The following KRTAP10-12 variants were observed in gnomAD, a reference collection of about 807,000 sequenced individuals.
The protein encoded by KRTAP10-12 is keratin associated protein 10-12.
For synonymous variants in KRTAP10-12, 142 were observed against 139.1 expected (o/e 1.02, Z -0.14); for missense variants, 311 against 324.4 (o/e 0.96, Z 0.32).
Position 44,697,600 on chromosome 21 carries a change from G to C in KRTAP10-12, c.399G>C (p.Gln133His). The C allele has an allele frequency of 6.2e-7, 1 of 1,614,082 alleles. No individual in the cohort carries two copies. The highest frequency in any genetic ancestry group is 8.5e-7 in the Non-Finnish European group (1 of 1,179,998). Residue 133 changes from glutamine (Q) to histidine (H), a missense_variant, in exon 1 of 1, where the codon CAG (glutamine) becomes CAC (histidine). Coordinates refer to ENST00000400365, the MANE Select transcript of KRTAP10-12 (RefSeq NM_198699.1). Reference protein sequence around the residue: ...VCCGPSSSCCQQSSCQPACCI... With the variant: ...VCCGPSSSCCHQSSCQPACCI... ...GTGGGCCTTCTTCTTCATGCTGCCA[G>C]CAGTCTAGCTGCCAGCCAGCTTGCT...
chr21:44,697,898 TC>T lies in KRTAP10-12; in HGVS notation c.700del (p.Leu234SerfsTer35). The T allele has an allele frequency of 6.2e-7, 1 of 1,612,524 alleles. No individual in the cohort carries two copies. The highest frequency in any genetic ancestry group is 8.5e-7 in the Non-Finnish European group (1 of 1,179,338). The stretch of plus-strand genomic sequence containing the variant: ...CTGCGGCCGCCTGGCCTCCTGCGGG[TC>T]CCTCCTCTGCCGCCCCACATGTTCC... ...PSCGRLASCGSLLCRPTCSRL... is the reference protein window; with the variant it reads ...PSCGRLASCGXLLCRPTCSRL... On this transcript the variant is annotated frameshift_variant, in exon 1 of 1. Coordinates refer to ENST00000400365, the MANE Select transcript of KRTAP10-12 (RefSeq NM_198699.1). LOFTEE classifies it high-confidence loss of function.
Position 44,697,633 on chromosome 21 carries a change from C to T in KRTAP10-12, c.432C>T (p.Ser144=). ...GCTGCCAGCCAGCTTGCTGCATCTCCTCCCCGTGTCAACAGTCCTGCTGTG... is the reference window on the plus strand; with the variant it reads ...GCTGCCAGCCAGCTTGCTGCATCTCTTCCCCGTGTCAACAGTCCTGCTGTG... ...QSSCQPACCI[S]SPCQQSCCVP... is the part of the protein sequence containing the mutation. Residue 144 remains serine, a synonymous_variant, in exon 1 of 1, where the codon TCC becomes TCT. Coordinates refer to ENST00000400365, the MANE Select transcript of KRTAP10-12 (RefSeq NM_198699.1). 6.2e-7 allele frequency: 1 copy of T among 1,613,988 alleles called. No individual in the cohort carries two copies. Among genetic ancestry groups the T allele is most frequent in the Non-Finnish European group, 8.5e-7 (1 of 1,179,982 alleles).
Position 44,697,347 on chromosome 21 carries a change from G to A in KRTAP10-12, c.146G>A (p.Ser49Asn). Residue 49 changes from serine (S) to asparagine (N), a missense_variant, in exon 1 of 1, where the codon AGC becomes AAC. Physicochemically the swap from Ser to Asn is conservative, Grantham distance 46. Coordinates refer to ENST00000400365, the MANE Select transcript of KRTAP10-12 (RefSeq NM_198699.1). The stretch of plus-strand genomic sequence containing the variant: ...TGCTGCGCCCCGGCCCCCTGCCTGA[G>A]CCTGGTCTGCACCCCAGTGAGCCGT... ...PPCCAPAPCL[S>N]LVCTPVSRVS... is the part of the protein sequence containing the mutation. 1.2e-6 allele frequency: 2 copies of A among 1,612,712 alleles called. No homozygotes were observed. The highest frequency in any genetic ancestry group is 1.7e-6 in the Non-Finnish European group (2 of 1,179,982).
Position 44,697,950 on chromosome 21 carries a change from C to G in KRTAP10-12, c.*11C>G, listed in dbSNP as rs782800038. ...CGCCTGGCCTGCTGAGGCCTCTGCT[C>G]AGGCCAGAAGTCCAGCTGCTGCCAG... On this transcript the variant is annotated 3_prime_UTR_variant, in exon 1 of 1. Transcript: ENST00000400365. The G allele has an allele frequency of 1.2e-6, 2 of 1,605,990 alleles. No homozygotes were observed. Among genetic ancestry groups the G allele is most frequent in the Admixed American group, 1.7e-5 (1 of 59,728 alleles).
Position 44,697,443 on chromosome 21 carries a change from C to A in KRTAP10-12, c.242C>A (p.Thr81Lys), listed in dbSNP as rs781909794. 1 of 1,614,046 alleles carries A rather than the reference C, an allele frequency of 6.2e-7. No homozygotes were observed. The highest frequency in any genetic ancestry group is 1.7e-5 in the Admixed American group (1 of 60,032). ...CAATCAGGCTGCACCAGCTCCTGCA[C>A]GCCCTCGTGCTGCCAGCAGTCTAGC... ...PCQSGCTSSC[T>K]PSCCQQSSCQ... The change falls in exon 1 of 1, where the codon ACG becomes AAG. Residue 81 changes from threonine to lysine, a missense_variant. Transcript: ENST00000400365.
At position 44,697,435 on chromosome 21, in the gene KRTAP10-12, C is replaced by T; in HGVS notation, c.234C>T (p.Ser78=). ...GCCCCTGCCAATCAGGCTGCACCAG[C>T]TCCTGCACGCCCTCGTGCTGCCAGC... ...EPSPCQSGCT[S]SCTPSCCQQS... Residue 78 remains serine (S), a synonymous_variant, in exon 1 of 1, where the codon AGC becomes AGT. Coordinates refer to ENST00000400365, the MANE Select transcript of KRTAP10-12 (RefSeq NM_198699.1). The T allele has an allele frequency of 6.2e-7, 1 of 1,614,040 alleles. No homozygotes were observed. Among genetic ancestry groups the T allele is most frequent in the South Asian group, 1.1e-5 (1 of 91,078 alleles).
chr21:44,697,987 A>T lies in KRTAP10-12; in HGVS notation c.*48A>T. ...CCAGCTGCTGCCAGGCATGTCCCCC[A>T]GGGCCACTGGGCACTATGAGTCCCC... On this transcript the variant is annotated 3_prime_UTR_variant, in exon 1 of 1. Transcript: ENST00000400365. The T allele has an allele frequency of 3.2e-6, 5 of 1,577,308 alleles. No homozygotes were observed. Among genetic ancestry groups the T allele is most frequent in the Non-Finnish European group, 4.3e-6 (5 of 1,160,592 alleles).
chr21:44,697,973 C>T lies in KRTAP10-12; in HGVS notation c.*34C>T, dbSNP rs782256873. 6.3e-7 allele frequency: 1 copy of T among 1,587,524 alleles called. No individual in the cohort carries two copies. The highest frequency in any genetic ancestry group is 1.7e-5 in the Admixed American group (1 of 58,606). ...CTCAGGCCAGAAGTCCAGCTGCTGCCAGGCATGTCCCCCAGGGCCACTGGG... is the reference window on the plus strand; with the variant it reads ...CTCAGGCCAGAAGTCCAGCTGCTGCTAGGCATGTCCCCCAGGGCCACTGGG... On this transcript the variant is annotated 3_prime_UTR_variant, in exon 1 of 1. Transcript: ENST00000400365.
In KRTAP10-12 at chr21:44,697,321, C is replaced by T; in HGVS notation, c.120C>T (p.Pro40=). The change falls in exon 1 of 1, where the codon CCC becomes CCT. Residue 40 remains proline, a synonymous_variant. Coordinates refer to ENST00000400365, the MANE Select transcript of KRTAP10-12 (RefSeq NM_198699.1). ...DDCPESCCEP[P]CCAPAPCLSL... ...GCCCAGAGAGCTGCTGTGAGCCCCC[C>T]TGCTGCGCCCCGGCCCCCTGCCTGA... is the stretch of plus-strand genomic sequence containing the variant. The T allele has an allele frequency of 6.2e-7, 1 of 1,613,300 alleles. No individual in the cohort carries two copies. Among genetic ancestry groups the T allele is most frequent in the Non-Finnish European group, 8.5e-7 (1 of 1,179,984 alleles).
In KRTAP10-12 at chr21:44,697,908, G is replaced by A. The variant is rs61745911; in HGVS notation, c.707G>A (p.Cys236Tyr). 91,138 of 1,612,260 alleles carry A rather than the reference G, an allele frequency of 0.057. 6,127 individuals carry two copies. Among genetic ancestry groups the A allele is most frequent in the African/African-American group, 0.3 (22,715 of 74,858 alleles). Residue 236 changes from cysteine (C) to tyrosine (Y), a missense_variant, in exon 1 of 1, where the codon TGC becomes TAC. Cys to Tyr is a radical substitution (Grantham distance 194, BLOSUM62 -2). Coordinates refer to ENST00000400365, the MANE Select transcript of KRTAP10-12 (RefSeq NM_198699.1). ...GRLASCGSLL[C>Y]RPTCSRLAC ...CTGGCCTCCTGCGGGTCCCTCCTCT[G>A]CCGCCCCACATGTTCCCGCCTGGCC...
At position 44,698,028 on chromosome 21, in the gene KRTAP10-12, T is replaced by C; in HGVS notation, c.*89T>C. On this transcript the variant is annotated 3_prime_UTR_variant, in exon 1 of 1. Transcript: ENST00000400365. ...ATGAGTCCCCCACCTCTCCCACTAC[T>C]GGCCCCTCGGCTGCTCTGGTGTCTG... 1.4e-6 allele frequency: 2 copies of C among 1,478,032 alleles called. No homozygotes were observed. Among genetic ancestry groups the C allele is most frequent in the South Asian group, 1.3e-5 (1 of 77,374 alleles). The allele number at this position is 1,478,032 out of a possible 1,614,324, so 91.6% of individuals were successfully genotyped here.
chr21:44,697,980 G>T lies in KRTAP10-12; in HGVS notation c.*41G>T. Reference sequence around the variant, plus strand: ...CAGAAGTCCAGCTGCTGCCAGGCATGTCCCCCAGGGCCACTGGGCACTATG... The same window carrying T: ...CAGAAGTCCAGCTGCTGCCAGGCATTTCCCCCAGGGCCACTGGGCACTATG... On this transcript the variant is annotated 3_prime_UTR_variant, in exon 1 of 1. Coordinates refer to ENST00000400365, the MANE Select transcript of KRTAP10-12 (RefSeq NM_198699.1). 1 of 1,582,522 alleles carries T rather than the reference G, an allele frequency of 6.3e-7. No homozygotes were observed. Among genetic ancestry groups the T allele is most frequent in the Non-Finnish European group, 8.6e-7 (1 of 1,163,210 alleles).
Position 44,697,591 on chromosome 21 carries a change from ATGCTGCCAGCAGTCTAGC to A in KRTAP10-12, c.394_411del (p.Cys132_Cys137del), listed in dbSNP as rs1555950899. On this transcript the variant is annotated inframe_deletion, in exon 1 of 1. Coordinates refer to ENST00000400365, the MANE Select transcript of KRTAP10-12 (RefSeq NM_198699.1). ...CCGTCTGCTGTGGGCCTTCTTCTTCATGCTGCCAGCAGTCTAGCTGCCAGCCAGCTTGCTGCATCTCCT... is the reference window on the plus strand; with the variant it reads ...CCGTCTGCTGTGGGCCTTCTTCTTCATGCCAGCCAGCTTGCTGCATCTCCT... 6.2e-7 allele frequency: 1 copy of A among 1,606,524 alleles called. No individual in the cohort carries two copies. The highest frequency in any genetic ancestry group is 8.5e-7 in the Non-Finnish European group (1 of 1,178,286).
At position 44,697,536 on chromosome 21, in the gene KRTAP10-12, C is replaced by T. The variant is rs1336471288; in HGVS notation, c.335C>T (p.Thr112Ile). The change falls in exon 1 of 1, where the codon ACT becomes ATT. Residue 112 changes from threonine to isoleucine, a missense_variant. By Grantham distance (89) the Thr-to-Ile change is moderately conservative (BLOSUM62 -1). Transcript: ENST00000400365. The stretch of plus-strand genomic sequence containing the variant: ...TGCTGCGTGCCCGTCTGCTGCAAGA[C>T]TGTCTGCTGCAAGCCTGTGTGCTGT... ...QACCVPVCCK[T>I]VCCKPVCCMP... The T allele has an allele frequency of 3.1e-6, 5 of 1,613,644 alleles. No homozygotes were observed. In the African/African-American group the frequency reaches 6.7e-5, roughly 22 times the overall value.
chr21:44,698,037 G>A lies in KRTAP10-12; in HGVS notation c.*98G>A, dbSNP rs942900343. 19 of 1,432,294 alleles carry A rather than the reference G, an allele frequency of 1.3e-5. No homozygotes were observed. The Admixed American group carries it at 2.1e-4, about 16-fold the overall frequency. The allele number at this position is 1,432,294 out of a possible 1,614,324, so 88.7% of individuals were successfully genotyped here. ...CCACCTCTCCCACTACTGGCCCCTC[G>A]GCTGCTCTGGTGTCTGTCTCTTCCT... is the stretch of plus-strand genomic sequence containing the variant. On this transcript the variant is annotated 3_prime_UTR_variant, in exon 1 of 1. Coordinates refer to ENST00000400365, the MANE Select transcript of KRTAP10-12 (RefSeq NM_198699.1).
chr21:44,697,830 C>T lies in KRTAP10-12; in HGVS notation c.629C>T (p.Pro210Leu). ...RPVCRPARRV[P>L]VPSCCVPTSS... ...GTGTGCAGACCCGCCCGCCGCGTGCCCGTCCCCTCCTGCTGTGTCCCCACC... is the reference window on the plus strand; with the variant it reads ...GTGTGCAGACCCGCCCGCCGCGTGCTCGTCCCCTCCTGCTGTGTCCCCACC... Residue 210 changes from proline to leucine, a missense_variant, in exon 1 of 1, where the codon CCC becomes CTC. By Grantham distance (98) the Pro-to-Leu change is moderately conservative. Transcript: ENST00000400365. 4 of 1,613,372 alleles carry T rather than the reference C, an allele frequency of 2.5e-6. No individual in the cohort carries two copies. The highest frequency in any genetic ancestry group is 2.5e-6 in the Non-Finnish European group (3 of 1,179,784).
chr21:44,697,269 G>A lies in KRTAP10-12; in HGVS notation c.68G>A (p.Cys23Tyr). The A allele has an allele frequency of 6.2e-7, 1 of 1,614,054 alleles. No homozygotes were observed. The highest frequency in any genetic ancestry group is 8.5e-7 in the Non-Finnish European group (1 of 1,180,000). ...TGCCTTCCTGGTTCCTGTGACTCTT[G>A]CTCCGACTCCTGGCAGGTGGACGAC... is the stretch of plus-strand genomic sequence containing the variant. ...RVCLPGSCDS[C>Y]SDSWQVDDCP... Residue 23 changes from cysteine to tyrosine, a missense_variant, in exon 1 of 1, where the codon TGC (cysteine) becomes TAC (tyrosine). Transcript: ENST00000400365.
Position 44,697,774 on chromosome 21 carries a change from C to G in KRTAP10-12, c.573C>G (p.Pro191=), listed in dbSNP as rs543873004. Residue 191 remains proline, a synonymous_variant, in exon 1 of 1, where the codon CCC becomes CCG. Coordinates refer to ENST00000400365, the MANE Select transcript of KRTAP10-12 (RefSeq NM_198699.1). The part of the protein sequence containing the change: ...PACCTTSCCR[P]SSSVSLLCRP... ...GCTGCACCACCTCCTGCTGCAGACCCTCCTCCTCCGTGTCCCTCCTCTGCC... is the reference window on the plus strand; with the variant it reads ...GCTGCACCACCTCCTGCTGCAGACCGTCCTCCTCCGTGTCCCTCCTCTGCC... The G allele has an allele frequency of 3.7e-6, 6 of 1,614,034 alleles. No homozygotes were observed. The East Asian group carries it at 6.7e-5, about 18-fold the overall frequency.
Position 44,697,782 on chromosome 21 carries a change from C to T in KRTAP10-12, c.581C>T (p.Ser194Phe). Residue 194 changes from serine to phenylalanine, a missense_variant, in exon 1 of 1, where the codon TCC becomes TTC. Transcript: ENST00000400365. ...ACCTCCTGCTGCAGACCCTCCTCCT[C>T]CGTGTCCCTCCTCTGCCGCCCTGTG... ...CTTSCCRPSS[S>F]VSLLCRPVCR... 1 of 1,614,022 alleles carries T rather than the reference C, an allele frequency of 6.2e-7. No individual in the cohort carries two copies. Among genetic ancestry groups the T allele is most frequent in the Non-Finnish European group, 8.5e-7 (1 of 1,179,998 alleles).
Sources: allele counts gnomAD v4.1 joint callset, GRCh38; gene constraint gnomAD v4.1.1; transcripts MANE v1.5; gene names NCBI Gene and HGNC (gene_info 2026-07-23, HGNC 2026-07-21).